Variants in NOTCH2 observed in about 807,000 individuals in gnomAD.
NOTCH2 encodes the protein notch receptor 2, also known as neurogenic locus notch homolog protein 2.
NOTCH2 carries 29 observed loss-of-function variants against 235.8 expected under a neutral mutation model. The observed-to-expected ratio is 0.12, with a 90% CI of 0.09 to 0.17. NOTCH2 has a LOEUF of 0.17. Ranked by LOEUF, NOTCH2 falls within the 10% of genes least tolerant of loss-of-function variation. The pLI is 1.00. For synonymous variants in NOTCH2, 1,086 were observed against 1,141.5 expected, an observed-to-expected ratio of 0.95 and a Z score of 0.98; for missense variants, 2,285 against 3,150.2, an observed-to-expected ratio of 0.73 and a Z score of 6.57.
At chr1:119,966,533 G>T in intron 8 of NOTCH2, 44 bp from the exon 9 acceptor site, 1 of 1,368,702 alleles carries the variant, frequency 7.3e-7, no homozygotes, top group Non-Finnish European at 1.0e-6. Context: ...AGAGAGAAAG[G>T]TGTATTCCAG....
intron 6 of NOTCH2, 67 bp downstream of exon 6, chr1:119,969,444 G>A: frequency 7.7e-7 from 1 of 1,304,568 alleles, no homozygotes; most frequent in Non-Finnish European, 1.1e-6. Flanking sequence ...TGGGATGAAA[G>A]AGAAGGCAGA....
intron 2 of NOTCH2, among the ~76,000 whole-genome samples, chr1:120,025,009 T>C (rs587736230): frequency 2.0e-5 from 3 of 152,000 alleles, no homozygotes; most frequent in Non-Finnish European, 4.4e-5. Context: ...GTTTTGTTTT[T>C]TTTTTTATCG....
At chr1:119,964,178 A>C (rs891043513) in intron 10 of NOTCH2, among the ~76,000 whole-genome samples, 2 of 152,178 alleles carry the variant, frequency 1.3e-5, no homozygotes, top group Non-Finnish European at 2.9e-5. Context: ...TATACAGGTT[A>C]ATGATTTCAT....
chr1:119,984,940 A>G (rs1429149810), intron 5 of NOTCH2, among the ~76,000 whole-genome samples: 2 of 152,172 alleles, frequency 1.3e-5, no homozygotes, highest in African/African-American at 4.8e-5. Context: ...CATGCCAAAA[A>G]TGATGAGAAA....
chr1:119,956,752 C>T (rs1384030860), intron 12 of NOTCH2, among the ~76,000 whole-genome samples: 9 of 152,162 alleles, frequency 5.9e-5, no homozygotes, highest in Non-Finnish European at 7.4e-5. Context: ...TCCTCAGAAG[C>T]CACTCCTCCC....
chr1:120,065,735 A>G (rs1655481078), intron 1 of NOTCH2, among the ~76,000 whole-genome samples: 1 of 152,194 alleles, frequency 6.6e-6, no homozygotes, highest in Non-Finnish European at 1.5e-5. Context: ...AAAGAAAAGA[A>G]GACCTTTTGG....
At chr1:119,952,124 C>G (rs1650498459) in intron 14 of NOTCH2, among the ~76,000 whole-genome samples, 1 of 152,196 alleles carries the variant, frequency 6.6e-6, no homozygotes, top group Non-Finnish European at 1.5e-5. Flanking sequence ...GATTTACCCA[C>G]ACGGCTCTCT....
At chr1:120,035,056 T>C (rs1280403953) in intron 1 of NOTCH2, among the ~76,000 whole-genome samples, 1 of 151,708 alleles carries the variant, frequency 6.6e-6, no homozygotes, top group African/African-American at 2.4e-5. Flanking sequence ...TATGAAATGG[T>C]CCAGTGAGTA....
intron 21 of NOTCH2, among the ~76,000 whole-genome samples, chr1:119,936,937 C>T (rs1649873739): frequency 2.0e-5 from 3 of 152,042 alleles, no homozygotes; most frequent in South Asian, 4.2e-4. Flanking sequence ...GGACACTCCA[C>T]AAAGCAGTTT....
At position 119,916,215 on chromosome 1, in the gene NOTCH2, C is replaced by G; in HGVS notation, c.6507G>C (p.Met2169Ile). 2 of 1,614,202 alleles carry G rather than the reference C, an allele frequency of 1.2e-6. No individual in the cohort carries two copies. The highest frequency in any genetic ancestry group is 1.1e-5 in the South Asian group (1 of 91,082). The change falls in exon 34 of 34, where the codon ATG (methionine) becomes ATC (isoleucine). Residue 2169 changes from methionine (M) to isoleucine (I), a missense_variant. By Grantham distance (10) the Met-to-Ile change is conservative. Coordinates refer to ENST00000256646, the MANE Select transcript of NOTCH2 (RefSeq NM_024408.4). ...CCTGTAAGATCCCAGGGGATGTAAT[C>G]ATTGGAGAGGATGTGGTGTCGGAAA... Reference protein sequence around the residue: ...TYVSDTTSSPMITSPGILQAS... With the variant: ...TYVSDTTSSPIITSPGILQAS...
intron 32 of NOTCH2, 22 bp from the exon 33 acceptor site, chr1:119,917,784 A>G: frequency 2.3e-6 from 3 of 1,317,430 alleles, no homozygotes; most frequent in Middle Eastern, 1.8e-4. Flanking sequence ...AAACATTTTT[A>G]TAAACAGACA....
chr1:120,033,458 T>C (rs1182755118), intron 1 of NOTCH2, among the ~76,000 whole-genome samples: 2 of 98,722 alleles, frequency 2.0e-5, no homozygotes, highest in African/African-American at 7.8e-5. Context: ...GGTAGATATA[T>C]ACAATGGAAT....
chr1:119,948,211 G>A (rs1650330500), intron 17 of NOTCH2, among the ~76,000 whole-genome samples: 1 of 152,232 alleles, frequency 6.6e-6, no homozygotes, highest in Admixed American at 6.5e-5. Flanking sequence ...TAAAGGGAAT[G>A]CTTAAAATAT....
rs587669717 is a variant in NOTCH2 at position 119,914,387 on chromosome 1, G to C, written c.*919C>G. 4.3e-6 allele frequency: 1 copy of C among 232,968 alleles called. No homozygotes were observed. The highest frequency in any genetic ancestry group is 2.2e-5 in the African/African-American group (1 of 45,356). The allele number at this position is 232,968 out of a possible 1,614,324, so 14.4% of individuals were successfully genotyped here. On this transcript the variant is annotated 3_prime_UTR_variant, in exon 34 of 34. Transcript: ENST00000256646. ...TTTCTGGTTTTAAAAAAGTGGGGAG[G>C]GTCATAGTAACTAGACTATCAAGGA... is the stretch of plus-strand genomic sequence containing the variant.
chr1:119,936,634 C>A (rs1190879176), intron 21 of NOTCH2, among the ~76,000 whole-genome samples: 1 of 152,114 alleles, frequency 6.6e-6, no homozygotes, highest in Admixed American at 6.5e-5. Flanking sequence ...CTATCGTTGG[C>A]TCATTTATAT....
intron 1 of NOTCH2, among the ~76,000 whole-genome samples, chr1:120,045,769 C>T (rs1311842742): frequency 6.8e-4 from 103 of 152,258 alleles, no homozygotes; most frequent in African/African-American, 1.8e-3. Flanking sequence ...ATATTTGAAA[C>T]GTGGGGAGTA....
At chr1:119,924,179 C>T (rs970887163) in intron 25 of NOTCH2, among the ~76,000 whole-genome samples, 195 bp from the exon 26 acceptor site, 5 of 152,198 alleles carry the variant, frequency 3.3e-5, no homozygotes, top group African/African-American at 1.2e-4. Flanking sequence ...TTGAGTACTT[C>T]CTAAATGAAG....
intron 14 of NOTCH2, among the ~76,000 whole-genome samples, chr1:119,952,215 C>T (rs1223813174): frequency 6.6e-6 from 1 of 152,186 alleles, no homozygotes; most frequent in Non-Finnish European, 1.5e-5. Context: ...ATTCCCATGA[C>T]TATCCATTTG....
chr1:119,949,383 C>CTTTTT (rs1175930294), intron 15 of NOTCH2, among the ~76,000 whole-genome samples: 22 of 112,710 alleles, frequency 2.0e-4, no homozygotes, highest in South Asian at 3.2e-4. Context: ...ACTACTATTT[C>CTTTTT]TTTTTTTTTT....
Sources: allele counts gnomAD v4.1 joint callset (sites outside exome capture counted in the v4.1 genomes callset), GRCh38; gene constraint gnomAD v4.1.1; transcripts MANE v1.5; gene names NCBI Gene and HGNC (gene_info 2026-07-23, HGNC 2026-07-21).